The following SYNE2 variants were observed in gnomAD, a reference collection of about 807,000 sequenced individuals.
The protein encoded by SYNE2 is nesprin-2.
A neutral mutation model predicts 856.3 loss-of-function variants in SYNE2; 431 were observed. The ratio of observed to expected loss-of-function variants is 0.50; its 90% confidence interval spans 0.47 to 0.55. The LOEUF (loss-of-function observed/expected upper bound fraction) is 0.55. Among genes scored for constraint, SYNE2 ranks in the 20% least tolerant of loss-of-function variants. The pLI is 0.00. For synonymous variants in SYNE2, 2,923 were observed against 2,872.3 expected (o/e 1.02, Z -0.56); for missense variants, 8,129 against 8,023.2 (o/e 1.01, Z -0.50).
chr14:63,900,362 G>A (rs1013981149), intron 1 of SYNE2, among the ~76,000 whole-genome samples: 8 of 152,176 alleles, frequency 5.3e-5, no homozygotes, highest in Non-Finnish European at 1.2e-4. Context: ...CCACATGGCT[G>A]GGGAGGCCTC....
chr14:63,843,495 C>G (rs1317515965), intron 1 of SYNE2, among the ~76,000 whole-genome samples: 1 of 151,982 alleles, frequency 6.6e-6, no homozygotes, highest in Non-Finnish European at 1.5e-5. Context: ...ATTGTTTTGT[C>G]TTATTATGTT....
intron 1 of SYNE2, among the ~76,000 whole-genome samples, chr14:63,817,198 G>A (rs1030976780): frequency 6.6e-6 from 1 of 152,184 alleles, no homozygotes; most frequent in African/African-American, 2.4e-5. Context: ...GGTGATTCAT[G>A]CTTGTAATCC....
At chr14:64,098,422 A>G (rs887292706) in intron 62 of SYNE2, 8 of 589,598 alleles carry the variant, frequency 1.4e-5, no homozygotes, top group Non-Finnish European at 2.1e-5. Flanking sequence ...CCTTTGAAGT[A>G]TCTTCGTACA....
intron 1 of SYNE2, among the ~76,000 whole-genome samples, chr14:63,844,220 T>A (rs1254675668): frequency 6.6e-6 from 1 of 152,218 alleles, no homozygotes; most frequent in Non-Finnish European, 1.5e-5. Context: ...CACTGATCTT[T>A]TCACTCTCTC....
intron 56 of SYNE2, 110 bp downstream of exon 56, chr14:64,080,748 G>C (rs1475402748): frequency 1.0e-5 from 14 of 1,385,626 alleles, no homozygotes; most frequent in Non-Finnish European, 1.0e-6. Flanking sequence ...ATCAGTTTTG[G>C]ACTTGAAGCT....
rs373599798 is a variant in SYNE2 at position 64,163,465 on chromosome 14, C to T, written c.16363C>T (p.Arg5455Ter). 5.0e-6 allele frequency: 8 copies of T among 1,614,016 alleles called. No individual in the cohort carries two copies. Among genetic ancestry groups the T allele is most frequent in the African/African-American group, 4.0e-5 (3 of 74,900 alleles). ...TCTCCAAAATTCCAGTGTCCTGGAT[C>T]GACTCCCACAACCCGCAGAGTCCAG... Reference protein sequence around the residue: ...AFLQNSSVLDRLPQPAESSTH... With the variant: ...AFLQNSSVLD Residue 5455 changes from arginine (R) to a stop codon, truncating the protein, a stop_gained, in exon 89 of 116, where the codon CGA (arginine) becomes TGA (stop). Transcript: ENST00000555002. LOFTEE classifies it high-confidence loss of function.
At chr14:64,205,051 C>A (rs1299542298) in intron 100 of SYNE2, among the ~76,000 whole-genome samples, 1 of 152,180 alleles carries the variant, frequency 6.6e-6, no homozygotes, top group Non-Finnish European at 1.5e-5. Context: ...CTAGCTGACT[C>A]CTCTTCTGCT....
At chr14:63,984,240 G>C (rs1473078479) in intron 18 of SYNE2, among the ~76,000 whole-genome samples, 1 of 152,018 alleles carries the variant, frequency 6.6e-6, no homozygotes, top group Non-Finnish European at 1.5e-5. Flanking sequence ...TAAGACTCCC[G>C]TCTCAAAAAA....
intron 1 of SYNE2, among the ~76,000 whole-genome samples, chr14:63,900,139 G>A (rs921431474): frequency 2.0e-5 from 3 of 152,172 alleles, no homozygotes; most frequent in African/African-American, 7.2e-5. Flanking sequence ...CTGATCATGG[G>A]TTAAGTGGGT....
At position 64,101,972 on chromosome 14, in the gene SYNE2, C is replaced by G; in HGVS notation, c.12422C>G (p.Ser4141Cys). The G allele has an allele frequency of 6.2e-7, 1 of 1,614,096 alleles. No individual in the cohort carries two copies. The highest frequency in any genetic ancestry group is 8.5e-7 in the Non-Finnish European group (1 of 1,179,968). The change falls in exon 64 of 116, where the codon TCT (serine) becomes TGT (cysteine). Residue 4141 changes from serine (S) to cysteine (C), a missense_variant. Transcript: ENST00000555002. ...GCAGAGCCATCGCCTCAGTCTTGGT[C>G]TTCACTTTGGAAGCATGACAAGGAC... ...EKAEPSPQSW[S>C]SLWKHDKDME...
intron 101 of SYNE2, 98 bp from the exon 102 acceptor site, chr14:64,209,330 C>CT: frequency 6.3e-7 from 1 of 1,584,228 alleles, no homozygotes; most frequent in Non-Finnish European, 8.6e-7. Flanking sequence ...GTAACAGGGT[C>CT]TCCCCCACTA....
intron 1 of SYNE2, among the ~76,000 whole-genome samples, chr14:63,783,367 C>T (rs973277790): frequency 6.6e-6 from 1 of 152,026 alleles, no homozygotes; most frequent in Admixed American, 6.6e-5. Flanking sequence ...TACCCAGTCT[C>T]GGGCACTTCT....
chr14:63,996,546 T>A (rs2096715342), intron 23 of SYNE2, among the ~76,000 whole-genome samples: 1 of 151,992 alleles, frequency 6.6e-6, no homozygotes, highest in African/African-American at 2.4e-5. Context: ...ACCTGGTGCT[T>A]TTCATTATCT....
intron 1 of SYNE2, among the ~76,000 whole-genome samples, chr14:63,864,752 A>G (rs1894767347): frequency 6.6e-6 from 1 of 152,154 alleles, no homozygotes; most frequent in South Asian, 2.1e-4. Flanking sequence ...GTGGGGGTAA[A>G]AAAGGAGAAA....
At chr14:64,159,791 G>T (rs191858422) in intron 87 of SYNE2, among the ~76,000 whole-genome samples, 10 of 152,306 alleles carry the variant, frequency 6.6e-5, no homozygotes, top group Non-Finnish European at 1.3e-4. Flanking sequence ...CATCCTGCAG[G>T]GGGTGTTCAA....
intron 45 of SYNE2, among the ~76,000 whole-genome samples, chr14:64,046,384 G>T (rs1567145198): frequency 6.6e-6 from 1 of 152,132 alleles, no homozygotes; most frequent in Non-Finnish European, 1.5e-5. Flanking sequence ...TTTTGAGCAG[G>T]GTCTGTCACC....
intron 94 of SYNE2, among the ~76,000 whole-genome samples, chr14:64,172,934 G>A (rs28367065): frequency 0.11 from 16,063 of 142,660 alleles, 1,317 homozygotes; most frequent in African/African-American, 0.25. Flanking sequence ...GACCTGTCTG[G>A]AAAAAAAAAA....
intron 1 of SYNE2, among the ~76,000 whole-genome samples, chr14:63,862,309 T>G (rs1275730933): frequency 2.6e-5 from 4 of 152,230 alleles, no homozygotes; most frequent in African/African-American, 9.6e-5. Context: ...TGAGGCGAAG[T>G]CTCGCTCTGT....
intron 1 of SYNE2, among the ~76,000 whole-genome samples, chr14:63,880,973 G>A (rs748892895): frequency 1.3e-5 from 2 of 151,666 alleles, no homozygotes; most frequent in African/African-American, 2.4e-5. Context: ...TCAGCCTCTC[G>A]AGTAGCTGGG....
Sources: gnomAD v4.1 joint callset for allele counts (sites outside exome capture counted in the v4.1 genomes callset) on GRCh38, gnomAD v4.1.1 for gene constraint, MANE v1.5 for transcripts, NCBI Gene and HGNC (gene_info 2026-07-23, HGNC 2026-07-21) for gene names.